Variants in FRMD4A observed in about 807,000 individuals in gnomAD.
The protein encoded by FRMD4A is FERM domain-containing protein 4A.
In FRMD4A, 29 loss-of-function variants were observed where a neutral mutation model predicts 129.1. That is an observed-to-expected ratio of 0.22 (90% CI 0.17 to 0.31). FRMD4A has a LOEUF of 0.31. FRMD4A is among the 10% of genes least tolerant of loss of function. The pLI is 1.00. For synonymous variants in FRMD4A, 634 were observed against 571.6 expected, an observed-to-expected ratio of 1.11 and a Z score of -1.56; for missense variants, 1,272 against 1,375.8, an observed-to-expected ratio of 0.92 and a Z score of 1.19.
chr10:13,941,041 C>G (rs185251831), intron 2 of FRMD4A, among the ~76,000 whole-genome samples: 3 of 152,276 alleles, frequency 2.0e-5, no homozygotes, highest in Admixed American at 6.5e-5. Context: ...ATCCTAGTAT[C>G]CGAGAACCAT....
At chr10:13,829,746 T>A (rs2130934989) in intron 3 of FRMD4A, among the ~76,000 whole-genome samples, 1 of 152,234 alleles carries the variant, frequency 6.6e-6, no homozygotes, top group South Asian at 2.1e-4. Context: ...CCACCCTTAG[T>A]AAGTGGAGCT....
intron 14 of FRMD4A, among the ~76,000 whole-genome samples, chr10:13,696,835 C>T (rs914347547): frequency 6.6e-6 from 1 of 152,180 alleles, no homozygotes; most frequent in African/African-American, 2.4e-5. Context: ...TTCTCAGATA[C>T]ATGTTTGTAA....
intron 3 of FRMD4A, among the ~76,000 whole-genome samples, chr10:13,851,688 T>A (rs1011010560): frequency 1.3e-5 from 2 of 151,924 alleles, no homozygotes; most frequent in African/African-American, 2.4e-5. Context: ...GATCATGAGG[T>A]CAGGAGATTG....
intron 2 of FRMD4A, among the ~76,000 whole-genome samples, chr10:13,967,191 G>T (rs1195858803): frequency 6.6e-6 from 1 of 152,214 alleles, no homozygotes. Context: ...AAAAAAATTA[G>T]CCAGGCTTGG....
intron 2 of FRMD4A, among the ~76,000 whole-genome samples, chr10:14,190,627 C>T (rs1842287379): frequency 6.6e-6 from 1 of 152,358 alleles, no homozygotes; most frequent in African/African-American, 2.4e-5. Context: ...CTCCAGCAAT[C>T]CTTCCACCTT....
chr10:13,981,507 G>A (rs1307470949), intron 2 of FRMD4A, among the ~76,000 whole-genome samples: 6 of 151,944 alleles, frequency 3.9e-5, no homozygotes, highest in African/African-American at 1.4e-4. Flanking sequence ...TTGGGAGGCC[G>A]AGGCAGGCGG....
At chr10:13,812,969 A>C (rs1046928815) in intron 3 of FRMD4A, among the ~76,000 whole-genome samples, 1 of 152,244 alleles carries the variant, frequency 6.6e-6, no homozygotes, top group Non-Finnish European at 1.5e-5. Flanking sequence ...ACATCTCAGA[A>C]GGTCGCTGAT....
At chr10:13,651,097 C>A (rs1389869529) in intron 24 of FRMD4A, 1 of 152,216 alleles carries the variant, frequency 6.6e-6, no homozygotes, top group East Asian at 1.9e-4. Flanking sequence ...TGTTATCTGC[C>A]CCTGTGCTTT....
intron 2 of FRMD4A, among the ~76,000 whole-genome samples, chr10:14,247,903 C>T (rs1304843076): frequency 2.0e-5 from 3 of 151,554 alleles, no homozygotes; most frequent in Non-Finnish European, 2.9e-5. Flanking sequence ...TCACACGAAA[C>T]AGCATTTTCG....
chr10:13,656,893 G>C lies in FRMD4A; in HGVS notation c.2696C>G (p.Ser899Trp). ...CGGAGTCCGCAGGATCTGCGATCGCGACGGCGTCAGGCGGCCCGTGTCGCC... is the reference window on the plus strand; with the variant it reads ...CGGAGTCCGCAGGATCTGCGATCGCCACGGCGTCAGGCGGCCCGTGTCGCC... ...DEGDTGRLTP[S>W]RSQILRTPSL... Residue 899 changes from serine to tryptophan, a missense_variant, in exon 22 of 25, where the codon TCG (serine) becomes TGG (tryptophan). By Grantham distance (177) the Ser-to-Trp change is radical (BLOSUM62 -3). Transcript: ENST00000357447. The C allele has an allele frequency of 6.7e-7, 1 of 1,481,652 alleles. No individual in the cohort carries two copies. Among genetic ancestry groups the C allele is most frequent in the Non-Finnish European group, 8.9e-7 (1 of 1,122,906 alleles). The allele number at this position is 1,481,652 out of a possible 1,614,324, so 91.8% of individuals were successfully genotyped here.
intron 2 of FRMD4A, among the ~76,000 whole-genome samples, chr10:14,003,077 C>A (rs767341607): frequency 6.6e-6 from 1 of 152,074 alleles, no homozygotes; most frequent in Admixed American, 6.6e-5. Flanking sequence ...AATCACCCCT[C>A]GGTTTTAGAA....
intron 3 of FRMD4A, among the ~76,000 whole-genome samples, chr10:13,836,755 CTTT>C (rs35995042): frequency 9.1e-5 from 10 of 110,036 alleles, no homozygotes; most frequent in Middle Eastern, 4.9e-3. Context: ...CTCAGTGGTT[CTTT>C]TTTTTTTTTT....
intron 2 of FRMD4A, among the ~76,000 whole-genome samples, chr10:14,209,356 T>C (rs1169585194): frequency 6.6e-6 from 1 of 152,090 alleles, no homozygotes; most frequent in Non-Finnish European, 1.5e-5. Flanking sequence ...AGTGCTGATA[T>C]TTGGAAAAAG....
intron 2 of FRMD4A, among the ~76,000 whole-genome samples, chr10:14,095,924 T>C (rs1836933269): frequency 6.6e-6 from 1 of 151,986 alleles, no homozygotes; most frequent in African/African-American, 2.4e-5. Flanking sequence ...CAGGAAGACA[T>C]AAGGAGCGCA....
Position 14,160,994 on chromosome 10 carries a change from G to A in FRMD4A, c.45+169064C>T, listed in dbSNP as rs1007531889. On this transcript the variant is annotated intron_variant, in intron 2 of 24. Coordinates refer to ENST00000357447, the MANE Select transcript of FRMD4A (RefSeq NM_018027.5). ...TTGAGACGGGAGTTTCACTCTTGTC[G>A]CCCAGGCTGGAGTGCAGTGGCACAA... 2.9e-4 allele frequency among the ~76,000 whole-genome samples: 44 copies of A among 152,046 alleles called. 1 individual carries two copies. The highest frequency in any genetic ancestry group is 1.2e-3 in the Admixed American group (19 of 15,292).
intron 2 of FRMD4A, among the ~76,000 whole-genome samples, chr10:14,264,838 G>C (rs763604077): frequency 9.9e-5 from 15 of 152,032 alleles, no homozygotes; most frequent in Non-Finnish European, 2.1e-4. Flanking sequence ...CTGGAGTGCA[G>C]TGGCAAGATC....
At chr10:14,074,558 T>G (rs974407396) in intron 2 of FRMD4A, 2 of 152,240 alleles carry the variant, frequency 1.3e-5, no homozygotes, top group African/African-American at 4.8e-5. Context: ...ATTCATGCTT[T>G]CAGAGGGTCA....
chr10:13,691,146 CCTGG>C (rs1215921512), intron 15 of FRMD4A, among the ~76,000 whole-genome samples: 3 of 152,200 alleles, frequency 2.0e-5, no homozygotes, highest in Admixed American at 2.0e-4. Context: ...CACCACCATG[CCTGG>C]CTAAGTTTTG....
intron 2 of FRMD4A, among the ~76,000 whole-genome samples, chr10:13,877,704 G>A (rs1267445576): frequency 6.6e-6 from 1 of 152,246 alleles, no homozygotes; most frequent in Admixed American, 6.5e-5. Flanking sequence ...CTGCTGGAAT[G>A]TCGCTGGCAG....
Sources: allele counts gnomAD v4.1 joint callset (sites outside exome capture counted in the v4.1 genomes callset), GRCh38; gene constraint gnomAD v4.1.1; transcripts MANE v1.5; gene names NCBI Gene and HGNC (gene_info 2026-07-23, HGNC 2026-07-21).